Variants in CTSK observed in about 807,000 individuals in gnomAD.
CTSK encodes the protein cathepsin O.
Under a neutral mutation model 40.5 loss-of-function variants are expected in CTSK, and 26 were observed. The ratio of observed to expected loss-of-function variants is 0.64; its 90% confidence interval spans 0.47 to 0.89. CTSK has a LOEUF of 0.89. CTSK is among the 40% of genes least tolerant of loss of function. CTSK has a pLI of 0.00. For synonymous variants in CTSK, 132 were observed against 143.2 expected, an observed-to-expected ratio of 0.92 and a Z score of 0.56; for missense variants, 292 against 400.1, an observed-to-expected ratio of 0.73 and a Z score of 2.30.
intron 4 of CTSK, 62 bp from the exon 5 acceptor site, chr1:150,804,301 A>T (rs1654046110): frequency 7.5e-7 from 1 of 1,327,676 alleles, no homozygotes; most frequent in Non-Finnish European, 1.1e-6. Context: ...TCTTCTCTCT[A>T]CCTGCCTGAA....
intron 1 of CTSK, chr1:150,807,369 G>A (rs1654130471): frequency 2.1e-6 from 1 of 471,044 alleles, no homozygotes; most frequent in Non-Finnish European, 4.4e-6. Flanking sequence ...AGGGAAAATA[G>A]GACAATGTTT....
intron 5 of CTSK, among the ~76,000 whole-genome samples, chr1:150,801,463 T>C (rs1653986955): frequency 6.6e-6 from 1 of 151,996 alleles, no homozygotes; most frequent in South Asian, 2.1e-4. Flanking sequence ...CCTTTCTCCA[T>C]TCATAAACGA....
intron 1 of CTSK, chr1:150,807,485 G>T (rs1349937233): frequency 2.5e-6 from 1 of 395,402 alleles, no homozygotes; most frequent in African/African-American, 2.1e-5. Flanking sequence ...ATCTTAACCA[G>T]ATGCTGCGGG....
At position 150,806,758 on chromosome 1, in the gene CTSK, C is replaced by T. The variant is rs1334935822; in HGVS notation, c.48G>A (p.Leu16=). The change falls in exon 2 of 8, where the codon CTG becomes CTA. Residue 16 remains leucine (L), a synonymous_variant. Coordinates refer to ENST00000271651, the MANE Select transcript of CTSK (RefSeq NM_000396.4). The stretch of plus-strand genomic sequence containing the variant: ...GGGTGTCCAGTATCTCCTCAGGGTA[C>T]AGAGCAAAGCTCACCACAGGTAGCA... ...VLLLPVVSFA[L]YPEEILDTHW... The T allele has an allele frequency of 6.2e-7, 1 of 1,614,076 alleles. No individual in the cohort carries two copies. Among genetic ancestry groups the T allele is most frequent in the South Asian group, 1.1e-5 (1 of 91,084 alleles).
intron 5 of CTSK, among the ~76,000 whole-genome samples, chr1:150,803,551 T>C (rs1052991881): frequency 6.6e-6 from 1 of 152,228 alleles, no homozygotes; most frequent in African/African-American, 2.4e-5. Context: ...CAGGAGGAAC[T>C]GAGTTAATCC....
chr1:150,797,186 G>T (rs1653890814), intron 7 of CTSK, among the ~76,000 whole-genome samples: 3 of 152,212 alleles, frequency 2.0e-5, no homozygotes, highest in Admixed American at 6.5e-5. Context: ...GGGGATGCCA[G>T]TGGAAGGGTG....
chr1:150,801,408 C>T (rs1164526268), intron 5 of CTSK, among the ~76,000 whole-genome samples: 3 of 152,118 alleles, frequency 2.0e-5, no homozygotes, highest in Admixed American at 6.6e-5. Flanking sequence ...TGTGAGCCAC[C>T]GTACCTGGCC....
Position 150,804,111 on chromosome 1 carries a change from G to A in CTSK, c.528C>T (p.Gly176=). The A allele has an allele frequency of 1.2e-6, 2 of 1,614,116 alleles. No homozygotes were observed. Among genetic ancestry groups the A allele is most frequent in the African/African-American group, 1.3e-5 (1 of 75,020 alleles). ...CATTGGTCATGTAGCCCCCTCCACA[G>A]CCATCATTCTCAGACACACAATCCA... The part of the protein sequence containing the change: ...NLVDCVSEND[G]CGGGYMTNAF... The change falls in exon 5 of 8, where the codon GGC becomes GGT. Residue 176 remains glycine (G), a synonymous_variant. Coordinates refer to ENST00000271651, the MANE Select transcript of CTSK (RefSeq NM_000396.4).
chr1:150,799,775 ACT>A (rs1482939169), intron 5 of CTSK, 66 bp from the exon 6 acceptor site: 1 of 1,467,510 alleles, frequency 6.8e-7, no homozygotes, highest in Non-Finnish European at 9.5e-7. Flanking sequence ...TGAGTAAGAA[ACT>A]CAACCAATAT....
rs202230585 is a variant in CTSK, at chr1:150,808,209, G to A, written c.-2+5C>T. ...CTAAAAGATCTAGGAAGTTGCAAAC[G>A]TTACCTGCTGATGGAAATCTGTTGT... On this transcript the variant is annotated splice_donor_5th_base_variant and intron_variant, in intron 1 of 7. Coordinates refer to ENST00000271651, the MANE Select transcript of CTSK (RefSeq NM_000396.4). 1.8e-4 allele frequency: 28 copies of A among 152,494 alleles called. No individual in the cohort carries two copies. Among genetic ancestry groups the A allele is most frequent in the African/African-American group, 6.5e-4 (27 of 41,560 alleles). The allele number at this position is 152,494 out of a possible 1,614,324, so 9.4% of individuals were successfully genotyped here.
intron 5 of CTSK, 85 bp from the exon 6 acceptor site, chr1:150,799,794 T>C: frequency 1.6e-6 from 2 of 1,266,004 alleles, no homozygotes; most frequent in Non-Finnish European, 2.3e-6. Flanking sequence ...ATATTTTGAG[T>C]GATGCCAGTG....
chr1:150,804,003 T>C lies in CTSK; in HGVS notation c.618+18A>G. The C allele has an allele frequency of 6.2e-7, 1 of 1,600,804 alleles. No homozygotes were observed. The highest frequency in any genetic ancestry group is 8.6e-7 in the Non-Finnish European group (1 of 1,168,062). On this transcript the variant is annotated intron_variant, in intron 5 of 7. Transcript: ENST00000271651. ...GGAGGAGCCAACAGAGCTGTATAAT[T>C]GTGTGGAGCAATCTCACCTGTCCCA...
rs587674387 is a variant in CTSK at position 150,801,370 on chromosome 1, C to T, written c.619-1661G>A. Among the ~76,000 whole-genome samples, 3 of 152,256 alleles carry T rather than the reference C, an allele frequency of 2.0e-5. No homozygotes were observed. The South Asian group carries it at 6.2e-4, about 32-fold the overall frequency. ...CTGACCTCAAGTGATCTGCCTGCCT[C>T]AGCCTCCCAAACTACTGGGATTATA... On this transcript the variant is annotated intron_variant, in intron 5 of 7. Transcript: ENST00000271651.
chr1:150,799,843 T>C (rs1369795119), intron 5 of CTSK, 134 bp from the exon 6 acceptor site: 1 of 880,236 alleles, frequency 1.1e-6, no homozygotes, highest in Non-Finnish European at 1.9e-6. Flanking sequence ...CTAGAGAGGG[T>C]CTGTTCTTCC....
At chr1:150,803,113 G>C (rs1489441187) in intron 5 of CTSK, among the ~76,000 whole-genome samples, 3 of 152,176 alleles carry the variant, frequency 2.0e-5, no homozygotes, top group Non-Finnish European at 4.4e-5. Flanking sequence ...AGACAATTCA[G>C]TTCCAAGGCA....
At position 150,805,988 on chromosome 1, in the gene CTSK, G is replaced by T. The variant is rs1269158585; in HGVS notation, c.272C>A (p.Thr91Asn). 6.2e-7 allele frequency: 1 copy of T among 1,614,096 alleles called. No individual in the cohort carries two copies. Among genetic ancestry groups the T allele is most frequent in the African/African-American group, 1.3e-5 (1 of 74,934 alleles). ...ATGAGACAGGGGTACTTTGAGTCCAGTCATCTTCTGAACCACCTCTTCACT... is the reference window on the plus strand; with the variant it reads ...ATGAGACAGGGGTACTTTGAGTCCATTCATCTTCTGAACCACCTCTTCACT... ...MTSEEVVQKM[T>N]GLKVPLSHSR... Residue 91 changes from threonine to asparagine, a missense_variant, in exon 4 of 8, where the codon ACT (threonine) becomes AAT (asparagine). Coordinates refer to ENST00000271651, the MANE Select transcript of CTSK (RefSeq NM_000396.4).
intron 2 of CTSK, 94 bp downstream of exon 2, chr1:150,806,591 TA>T: frequency 6.5e-7 from 1 of 1,529,196 alleles, no homozygotes; most frequent in Non-Finnish European, 9.0e-7. Flanking sequence ...TTGCTTGGAA[TA>T]AAGCATTTGG....
intron 6 of CTSK, 134 bp downstream of exon 6, chr1:150,799,410 G>T: frequency 1.6e-6 from 2 of 1,230,802 alleles, no homozygotes; most frequent in Non-Finnish European, 2.4e-6. Context: ...CCATACTGCA[G>T]CAGTTGTTAA....
At chr1:150,807,771 A>G (rs2101955480) in intron 1 of CTSK, among the ~76,000 whole-genome samples, 1 of 152,314 alleles carries the variant, frequency 6.6e-6, no homozygotes, top group Non-Finnish European at 1.5e-5. Context: ...TTTACATGTA[A>G]TTTTGCAAAC....
Sources: allele counts gnomAD v4.1 joint callset (sites outside exome capture counted in the v4.1 genomes callset), GRCh38; gene constraint gnomAD v4.1.1; transcripts MANE v1.5; gene names NCBI Gene and HGNC (gene_info 2026-07-23, HGNC 2026-07-21).